GALNT13: variants seen among roughly 807,000 people sequenced by gnomAD.
GALNT13 encodes UDP-GalNAc:polypeptide N-acetylgalactosaminyltransferase 13.
GALNT13 carries 28 observed loss-of-function variants against 64.2 expected under a neutral mutation model. That is an observed-to-expected ratio of 0.44 (90% CI 0.32 to 0.60). The LOEUF is 0.60. Among genes scored for constraint, GALNT13 ranks in the 20% least tolerant of loss-of-function variants. The pLI, the probability that GALNT13 is intolerant of heterozygous loss-of-function variation, is 0.05. For missense variants in GALNT13, 577 were observed against 669.8 expected (o/e 0.86, Z 1.53); for synonymous variants, 214 against 224.6 (o/e 0.95, Z 0.42).
At chr2:154,332,493 C>A (rs1044205157) in intron 9 of GALNT13, among the ~76,000 whole-genome samples, 1 of 151,922 alleles carries the variant, frequency 6.6e-6, no homozygotes, top group Non-Finnish European at 1.5e-5. Flanking sequence ...ATAAAGCCCT[C>A]CTGCATGGTT....
chr2:153,691,184 G>C, the GALNT13 span, among the ~76,000 whole-genome samples: 2 of 152,088 alleles, frequency 1.3e-5, no homozygotes, highest in South Asian at 4.1e-4. Context: ...ATAAATCTCT[G>C]AACATAATGT....
chr2:153,083,959 T>C, the GALNT13 span, among the ~76,000 whole-genome samples: 3 of 152,224 alleles, frequency 2.0e-5, no homozygotes, highest in Admixed American at 2.0e-4. Flanking sequence ...ACATGTGGCT[T>C]GCCAATTATC....
chr2:153,793,667 A>C, the GALNT13 span, among the ~76,000 whole-genome samples: 28 of 152,176 alleles, frequency 1.8e-4, no homozygotes, highest in South Asian at 4.6e-3. Flanking sequence ...AAAAAAAAAA[A>C]AACTAGAAAA....
intron 3 of GALNT13, among the ~76,000 whole-genome samples, chr2:154,066,151 C>A (rs1171576375): frequency 6.6e-6 from 1 of 152,008 alleles, no homozygotes; most frequent in African/African-American, 2.4e-5. Flanking sequence ...AGCTTGAAGG[C>A]AGGCTATTTG....
the GALNT13 span, among the ~76,000 whole-genome samples, chr2:153,321,972 TTGTG>T: frequency 0.11 from 16,264 of 149,244 alleles, 1,067 homozygotes; most frequent in African/African-American, 0.18. Flanking sequence ...GTGTGTAAAG[TTGTG>T]TGTGTGTGTG....
chr2:154,345,156 C>T (rs1695999225), intron 9 of GALNT13, among the ~76,000 whole-genome samples: 1 of 152,030 alleles, frequency 6.6e-6, no homozygotes, highest in Admixed American at 6.6e-5. Context: ...TAAATAAGTG[C>T]TTCACTCCTA....
the GALNT13 span, among the ~76,000 whole-genome samples, chr2:153,620,557 G>A: frequency 6.6e-6 from 1 of 151,652 alleles, no homozygotes; most frequent in Non-Finnish European, 1.5e-5. Flanking sequence ...AAGACTCCGA[G>A]GCATTCTTCA....
intron 1 of GALNT13, among the ~76,000 whole-genome samples, chr2:153,881,171 G>A (rs1408267733): frequency 6.6e-6 from 1 of 152,128 alleles, no homozygotes; most frequent in East Asian, 1.9e-4. Context: ...GCAGGCCATG[G>A]CTCCAAAGGA....
Position 154,311,515 on chromosome 2 carries a change from C to T in GALNT13, c.1156+9926C>T, listed in dbSNP as rs902375969. On this transcript the variant is annotated intron_variant, in intron 9 of 12. Transcript: ENST00000392825. ...TACTTAACAGGGTAATAGAATATCA[C>T]AAGGCAAGTGGAGACAGGGCGAGAT... is the stretch of plus-strand genomic sequence containing the variant. Among the ~76,000 whole-genome samples the T allele has an allele frequency of 2.6e-5, 4 of 152,094 alleles. No individual in the cohort carries two copies. The East Asian group carries it at 7.7e-4, about 29-fold the overall frequency.
intron 3 of GALNT13, among the ~76,000 whole-genome samples, chr2:154,094,376 C>T (rs1424663588): frequency 1.3e-5 from 2 of 151,916 alleles, no homozygotes; most frequent in East Asian, 1.9e-4. Flanking sequence ...CATATATTCT[C>T]GTCTATCCTT....
chr2:154,245,144 T>TAAATAAAA lies in GALNT13; in HGVS notation c.687-665_687-664insTAAAAAAA, dbSNP rs1437426983. The stretch of plus-strand genomic sequence containing the variant: ...ATAAATAAATAAATAAATAAATAAA[T>TAAATAAAA]AAAACACCAGAGATTAAAGTTGCTT... On this transcript the variant is annotated intron_variant, in intron 6 of 12. Transcript: ENST00000392825. Among the ~76,000 whole-genome samples the TAAATAAAA allele has an allele frequency of 1.6e-3, 242 of 147,542 alleles. 2 individuals carry two copies. Among genetic ancestry groups the TAAATAAAA allele is most frequent in the Admixed American group, 4.6e-3 (69 of 14,940 alleles).
chr2:153,409,313 AATATGT>A, the GALNT13 span, among the ~76,000 whole-genome samples: 2 of 140,122 alleles, frequency 1.4e-5, no homozygotes, highest in African/African-American at 5.1e-5. Context: ...TATATATATG[AATATGT>A]ATATATTCAT....
the GALNT13 span, among the ~76,000 whole-genome samples, chr2:153,594,613 A>G: frequency 6.6e-6 from 1 of 152,020 alleles, no homozygotes. Flanking sequence ...CAGTTGTGAT[A>G]TTTCTTCCTA....
the GALNT13 span, among the ~76,000 whole-genome samples, chr2:153,660,334 G>C: frequency 6.6e-6 from 1 of 151,986 alleles, no homozygotes; most frequent in African/African-American, 2.4e-5. Context: ...AGAAAGAAGA[G>C]GAATGGTGGG....
the GALNT13 span, among the ~76,000 whole-genome samples, chr2:153,659,238 C>T: frequency 5.9e-5 from 9 of 151,932 alleles, no homozygotes; most frequent in African/African-American, 2.2e-4. Flanking sequence ...ATAGCAGTTG[C>T]CAGATTCTAT....
At chr2:154,221,557 G>T (rs988466110) in intron 4 of GALNT13, among the ~76,000 whole-genome samples, 6 of 152,066 alleles carry the variant, frequency 3.9e-5, no homozygotes, top group Non-Finnish European at 8.8e-5. Context: ...TCTTGAATTT[G>T]TAATAATTTG....
At chr2:153,559,268 C>T in the GALNT13 span, among the ~76,000 whole-genome samples, 10 of 152,068 alleles carry the variant, frequency 6.6e-5, no homozygotes, top group East Asian at 3.9e-4. Context: ...GATTTGAATA[C>T]GGATTGAAAG....
chr2:154,344,996 T>TA (rs1230205159), intron 9 of GALNT13, among the ~76,000 whole-genome samples: 30 of 151,972 alleles, frequency 2.0e-4, no homozygotes, highest in Non-Finnish European at 8.8e-5. Flanking sequence ...TGGCTGTTGC[T>TA]AAAAAACAAA....
At chr2:153,084,743 G>A in the GALNT13 span, among the ~76,000 whole-genome samples, 1 of 152,164 alleles carries the variant, frequency 6.6e-6, no homozygotes, top group African/African-American at 2.4e-5. Flanking sequence ...GCCATGCTGA[G>A]CTGTGAGTCT....
Sources: allele counts gnomAD v4.1 joint callset (sites outside exome capture counted in the v4.1 genomes callset), GRCh38; gene constraint gnomAD v4.1.1; transcripts MANE v1.5; gene names NCBI Gene and HGNC (gene_info 2026-07-23, HGNC 2026-07-21).